PLXNA1: variants seen among roughly 807,000 people sequenced by gnomAD.
PLXNA1 encodes plexin A1.
A neutral mutation model predicts 191.7 loss-of-function variants in PLXNA1; 77 were observed. The ratio of observed to expected loss-of-function variants is 0.40; its 90% CI spans 0.33 to 0.49. The LOEUF (loss-of-function observed/expected upper bound fraction) is 0.49. Ranked by LOEUF, PLXNA1 falls within the 20% of genes least tolerant of loss-of-function variation. PLXNA1 has a pLI of 0.63. For synonymous variants in PLXNA1, 1,137 were observed against 1,156.4 expected (o/e 0.98, Z 0.34); for missense variants, 2,110 against 2,660.2 (o/e 0.79, Z 4.55).
chr3:126,992,181 C>T (rs1446127083), intron 3 of PLXNA1, among the ~76,000 whole-genome samples: 1 of 152,166 alleles, frequency 6.6e-6, no homozygotes, highest in Non-Finnish European at 1.5e-5. Context: ...TTTCCTTCCC[C>T]AGAACAGTGG....
chr3:127,029,146 T>A (rs1208306852), intron 26 of PLXNA1, 50 bp downstream of exon 26: 2 of 1,414,854 alleles, frequency 1.4e-6, no homozygotes, highest in East Asian at 4.6e-5. Flanking sequence ...CCCTTGGGGC[T>A]TCCACAGCGC....
intron 23 of PLXNA1, 34 bp from the exon 24 acceptor site, chr3:127,027,906 T>G (rs2107637446): frequency 2.5e-6 from 4 of 1,610,630 alleles, no homozygotes; most frequent in East Asian, 2.2e-5. Context: ...GGCCCGGGGG[T>G]CCTGGCTGCA....
At chr3:127,027,554 G>A (rs1211022774) in intron 23 of PLXNA1, 1 of 407,756 alleles carries the variant, frequency 2.5e-6, no homozygotes, top group Non-Finnish European at 4.9e-6. Flanking sequence ...CTCCAGCTGG[G>A]GAGCAGGCCC....
Position 127,022,462 on chromosome 3 carries a change from C to A in PLXNA1, c.4295+121C>A, listed in dbSNP as rs2079156759. 3.2e-6 allele frequency: 4 copies of A among 1,262,098 alleles called. No individual in the cohort carries two copies. In the Admixed American group the frequency reaches 9.6e-5, roughly 30 times the overall value. The allele number at this position is 1,262,098 out of a possible 1,614,324, so 78.2% of individuals were successfully genotyped here. A position where few individuals can be genotyped will look rare whatever the true frequency, so the allele number is the denominator to read the frequency against. ...TTCCCACCGGGCAGGGGTGGGAGGA[C>A]TCACCTGGCCTCTGAGGCTCAGCTG... On this transcript the variant is annotated intron_variant, in intron 22 of 31. Transcript: ENST00000393409.
chr3:127,018,499 A>C lies in PLXNA1; in HGVS notation c.3866A>C (p.Glu1289Ala). 1 of 1,611,712 alleles carries C rather than the reference A, an allele frequency of 6.2e-7. No individual in the cohort carries two copies. The highest frequency in any genetic ancestry group is 8.5e-7 in the Non-Finnish European group (1 of 1,178,892). ...KRLQLQMDNL[E>A]SRVALECKEA... ...CTGCAGCTCCAGATGGACAACCTGG[A>C]GTCCCGCGTGGCCCTCGAATGCAAG... Residue 1289 changes from glutamate (E) to alanine (A), a missense_variant, in exon 20 of 32, where the codon GAG (glutamate) becomes GCG (alanine). Around this residue, in one of 4 missense-constraint regions of PLXNA1, gnomAD observed 559 missense variants for 911.5 expected, o/e 0.61. Transcript: ENST00000393409.
intron 9 of PLXNA1, among the ~76,000 whole-genome samples, chr3:127,009,562 C>A (rs895952687): frequency 2.6e-5 from 4 of 151,348 alleles, no homozygotes; most frequent in Non-Finnish European, 1.5e-5. Flanking sequence ...CCCCCCCAAC[C>A]CCCCCACAAG....
At position 127,034,031 on chromosome 3, in the gene PLXNA1, T is replaced by C; in HGVS notation, c.*14T>C. ...CTGAGCAGCTGAGCCCCAGCTGTGA[T>C]CATCCAGCATGATGCAGCGTGAGGA... On this transcript the variant is annotated 3_prime_UTR_variant, in exon 32 of 32. Coordinates refer to ENST00000393409, the MANE Select transcript of PLXNA1 (RefSeq NM_032242.4). 1.3e-6 allele frequency: 2 copies of C among 1,583,482 alleles called. No homozygotes were observed. The highest frequency in any genetic ancestry group is 1.7e-6 in the Non-Finnish European group (2 of 1,164,794).
rs9856665 is a variant in PLXNA1 at position 127,035,801 on chromosome 3, G to C, written c.*1784G>C. 60,811 of 152,074 alleles carry C rather than the reference G, an allele frequency of 0.4. 14,339 individuals are homozygous for C. The highest frequency in any genetic ancestry group is 0.66 in the African/African-American group (27,536 of 41,450). 9.4% of individuals were successfully genotyped at this position (152,074 alleles called of 1,614,324 possible). A position where few individuals can be genotyped will look rare whatever the true frequency, so the allele number is the denominator to read the frequency against. ...TGTGCCAGTCTTGCAGTCCGCCCCA[G>C]CTGAGTAGCGTGAGCCAGATGACGC... is the stretch of plus-strand genomic sequence containing the variant. On this transcript the variant is annotated 3_prime_UTR_variant, in exon 32 of 32. Coordinates refer to ENST00000393409, the MANE Select transcript of PLXNA1 (RefSeq NM_032242.4).
intron 3 of PLXNA1, among the ~76,000 whole-genome samples, chr3:126,998,763 A>G (rs1395478083): frequency 9.2e-5 from 14 of 152,120 alleles, no homozygotes; most frequent in Admixed American, 9.2e-4. Context: ...GAGCCTGTCT[A>G]AGGCAGCCCT....
chr3:126,986,498 G>C (rs115514798), intron 1 of PLXNA1, among the ~76,000 whole-genome samples: 1 of 152,224 alleles, frequency 6.6e-6, no homozygotes, highest in Non-Finnish European at 1.5e-5. Flanking sequence ...GAGTGAAACA[G>C]GAGTGAAGAA....
chr3:126,997,097 T>C (rs2079018270), intron 3 of PLXNA1, among the ~76,000 whole-genome samples: 3 of 152,210 alleles, frequency 2.0e-5, no homozygotes, highest in African/African-American at 7.2e-5. Flanking sequence ...GGCAAGACTC[T>C]TCCTTACTGT....
Position 127,017,912 on chromosome 3 carries a change from G to A in PLXNA1, c.3660+20G>A, listed in dbSNP as rs1349440370. On this transcript the variant is annotated intron_variant, in intron 19 of 31. Coordinates refer to ENST00000393409, the MANE Select transcript of PLXNA1 (RefSeq NM_032242.4). Reference sequence around the variant, plus strand: ...GTCACGGTGCGTCTGTCCACCGGGGGTGCAGAGCTGGGAGAGCCATGCCCC... The same window carrying A: ...GTCACGGTGCGTCTGTCCACCGGGGATGCAGAGCTGGGAGAGCCATGCCCC... 1.2e-6 allele frequency: 2 copies of A among 1,610,326 alleles called. No homozygotes were observed. The highest frequency in any genetic ancestry group is 4.5e-5 in the East Asian group (2 of 44,854).
intron 29 of PLXNA1, chr3:127,032,005 C>G (rs563696861): frequency 1.3e-5 from 3 of 228,268 alleles, no homozygotes; most frequent in African/African-American, 6.8e-5. Context: ...AGGAATGGGT[C>G]CCCTGGGCCG....
Position 127,007,784 on chromosome 3 carries a change from A to G in PLXNA1, c.1998-15A>G. 1 of 1,587,502 alleles carries G rather than the reference A, an allele frequency of 6.3e-7. No homozygotes were observed. The highest frequency in any genetic ancestry group is 1.1e-5 in the South Asian group (1 of 89,408). Reference sequence around the variant, plus strand: ...TGCGGGTCCCCAGGCTTCAGCACCCACCCTCTCCCTGCAGCTGCCTGTCCT... The same window carrying G: ...TGCGGGTCCCCAGGCTTCAGCACCCGCCCTCTCCCTGCAGCTGCCTGTCCT... On this transcript the variant is annotated splice_polypyrimidine_tract_variant and intron_variant, in intron 8 of 31. Coordinates refer to ENST00000393409, the MANE Select transcript of PLXNA1 (RefSeq NM_032242.4).
intron 1 of PLXNA1, among the ~76,000 whole-genome samples, chr3:126,987,395 C>T (rs2107619519): frequency 1.3e-5 from 2 of 152,308 alleles, no homozygotes; most frequent in Admixed American, 1.3e-4. Flanking sequence ...GCCTTAGCCT[C>T]TGCATAGGGA....
In PLXNA1 at chr3:127,028,095, G is replaced by A; in HGVS notation, c.4509+9G>A. Reference sequence around the variant, plus strand: ...TTGACTACAAGACACTGGTGAGCGTGGCTGCCCTCTGTCCTGGGTGCCCTG... The same window carrying A: ...TTGACTACAAGACACTGGTGAGCGTAGCTGCCCTCTGTCCTGGGTGCCCTG... On this transcript the variant is annotated intron_variant, in intron 24 of 31. Transcript: ENST00000393409. The A allele has an allele frequency of 6.2e-7, 1 of 1,613,926 alleles. No homozygotes were observed. The highest frequency in any genetic ancestry group is 8.5e-7 in the Non-Finnish European group (1 of 1,180,012).
chr3:127,029,571 A>G (rs756944323), intron 27 of PLXNA1, 35 bp downstream of exon 27: 1 of 1,595,480 alleles, frequency 6.3e-7, no homozygotes, highest in Non-Finnish European at 8.6e-7. Context: ...AGGGCAGCGC[A>G]TGGGTCCCTG....
intron 1 of PLXNA1, among the ~76,000 whole-genome samples, chr3:126,984,053 G>T (rs1464085143): frequency 6.6e-6 from 1 of 152,218 alleles, no homozygotes; most frequent in Non-Finnish European, 1.5e-5. Flanking sequence ...TTCTCCCGGA[G>T]GCTTCCGATT....
At position 127,014,281 on chromosome 3, in the gene PLXNA1, G is replaced by A; in HGVS notation, c.2510G>A (p.Cys837Tyr). The change falls in exon 12 of 32, where the codon TGC becomes TAC. Residue 837 changes from cysteine to tyrosine, a missense_variant. This residue lies in a region of PLXNA1 where 644 missense variants were observed against 714.3 expected (regional missense o/e 0.90). Transcript: ENST00000393409. ...ECGWCVAERR[C>Y]SLRHHCAADT... ...GGATGGTGCGTGGCCGAGCGCCGCTGCTCCCTGCGACACCACTGCGCTGCC... is the reference window on the plus strand; with the variant it reads ...GGATGGTGCGTGGCCGAGCGCCGCTACTCCCTGCGACACCACTGCGCTGCC... 6.3e-7 allele frequency: 1 copy of A among 1,595,866 alleles called. No individual in the cohort carries two copies.
Sources: allele counts gnomAD v4.1 joint callset (sites outside exome capture counted in the v4.1 genomes callset), GRCh38; gene constraint gnomAD v4.1.1; regional missense constraint gnomAD v4.1.1; transcripts MANE v1.5; gene names NCBI Gene and HGNC (gene_info 2026-07-23, HGNC 2026-07-21).